The following RNF17 variants were observed in gnomAD, a reference collection of about 807,000 sequenced individuals.
The protein encoded by RNF17 is ring finger protein 17, also known as spermatogenesis associated 23.
Under a neutral mutation model 200.5 loss-of-function variants are expected in RNF17, and 31 were observed. The ratio of observed to expected loss-of-function variants is 0.15; its 90% CI spans 0.12 to 0.21. RNF17 has a LOEUF of 0.21. Among genes scored for constraint, RNF17 ranks in the 10% least tolerant of loss-of-function variants. The pLI, the probability that RNF17 is intolerant of heterozygous loss-of-function variation, is 1.00. For missense variants in RNF17, 1,628 were observed against 1,905.1 expected, an observed-to-expected ratio of 0.85 and a Z score of 2.71; for synonymous variants, 606 against 637.8, an observed-to-expected ratio of 0.95 and a Z score of 0.75.
chr13:24,860,765 G>A (rs1893009294), intron 26 of RNF17, among the ~76,000 whole-genome samples: 1 of 151,972 alleles, frequency 6.6e-6, no homozygotes, highest in Non-Finnish European at 1.5e-5. Context: ...GATGGGTTAA[G>A]TGTAAGAAAA....
At chr13:24,840,081 T>C (rs1414140323) in intron 18 of RNF17, among the ~76,000 whole-genome samples, 2 of 151,888 alleles carry the variant, frequency 1.3e-5, no homozygotes, top group Non-Finnish European at 2.9e-5. Flanking sequence ...GATAGACAGT[T>C]CTCAAAAAAA....
At chr13:24,857,305 C>T (rs1892613382) in intron 25 of RNF17, among the ~76,000 whole-genome samples, 1 of 151,066 alleles carries the variant, frequency 6.6e-6, no homozygotes, top group Non-Finnish European at 1.5e-5. Flanking sequence ...TCCTGGAGTC[C>T]CATTTTTTTT....
downstream of RNF17, chr13:24,883,449 CCTT>C: frequency 8.5e-7 from 1 of 1,171,902 alleles, no homozygotes; most frequent in Non-Finnish European, 1.2e-6. Flanking sequence ...TGAAAAGTAG[CCTT>C]TTGAGTCTGG....
At chr13:24,837,076 T>C (rs1481821690) in intron 18 of RNF17, among the ~76,000 whole-genome samples, 1 of 152,266 alleles carries the variant, frequency 6.6e-6, no homozygotes, top group East Asian at 1.9e-4. Flanking sequence ...AGGGTAGTTA[T>C]TCTTATATCA....
chr13:24,837,724 G>A (rs116656562), intron 18 of RNF17, among the ~76,000 whole-genome samples: 222 of 152,108 alleles, frequency 1.5e-3, no homozygotes, highest in African/African-American at 5.2e-3. Context: ...AGCCCTACAT[G>A]CCCACATCAA....
chr13:24,782,844 A>G (rs529674269), intron 6 of RNF17, among the ~76,000 whole-genome samples: 8 of 152,228 alleles, frequency 5.3e-5, no homozygotes, highest in Admixed American at 5.2e-4. Flanking sequence ...ATTTTCTCCC[A>G]TTTGTAAGTT....
chr13:24,770,799 A>G (rs1179914556), intron 2 of RNF17, among the ~76,000 whole-genome samples: 3 of 152,158 alleles, frequency 2.0e-5, no homozygotes, highest in African/African-American at 2.4e-5. Flanking sequence ...AATAAGCACT[A>G]TAATTTTCTT....
At chr13:24,779,519 T>C (rs184064831) in intron 4 of RNF17, 148 bp from the exon 5 acceptor site, 15 of 552,576 alleles carry the variant, frequency 2.7e-5, no homozygotes, top group Admixed American at 2.6e-4. Context: ...AATGTTATTT[T>C]TGTTGCTTGT....
rs201829407 is a variant in RNF17 at position 24,764,175 on chromosome 13, G to C, written c.-29G>C. ...GCGAGGGCCGCCGGGACTCGCACTC[G>C]GCGGTTGTTCCAGAAGAAAGAGACA... On this transcript the variant is annotated 5_prime_UTR_variant, in exon 1 of 36. Transcript: ENST00000255324. 9.5e-5 allele frequency: 149 copies of C among 1,565,382 alleles called. 1 individual carries two copies. The Admixed American group carries it at 2.5e-3, about 26-fold the overall frequency.
intron 15 of RNF17, among the ~76,000 whole-genome samples, chr13:24,825,131 G>A (rs755651431): frequency 3.3e-5 from 5 of 152,118 alleles, no homozygotes; most frequent in Non-Finnish European, 7.4e-5. Flanking sequence ...TTCATTAAAA[G>A]CAGAGGACTG....
intron 29 of RNF17, among the ~76,000 whole-genome samples, chr13:24,865,691 C>T (rs1893542130): frequency 6.6e-6 from 1 of 152,168 alleles, no homozygotes. Context: ...CTACTTTCTT[C>T]TCTCAAATAG....
At chr13:24,787,701 T>C (rs888212060) in intron 6 of RNF17, among the ~76,000 whole-genome samples, 3 of 152,184 alleles carry the variant, frequency 2.0e-5, no homozygotes, top group Non-Finnish European at 2.9e-5. Context: ...TCTCTACTTA[T>C]AATCTCCTGC....
intron 22 of RNF17, among the ~76,000 whole-genome samples, chr13:24,845,796 C>T (rs1385998807): frequency 2.6e-5 from 4 of 152,276 alleles, no homozygotes; most frequent in Middle Eastern, 3.4e-3. Context: ...AATACTGGAG[C>T]GTTTTTAGCC....
chr13:24,854,467 ATTT>A (rs11395842), intron 25 of RNF17, among the ~76,000 whole-genome samples: 12 of 148,968 alleles, frequency 8.1e-5, no homozygotes, highest in Non-Finnish European at 1.8e-4. Context: ...TCAGATGCCA[ATTT>A]TTTTTTTTAA....
At chr13:24,853,503 G>A (rs1450909985) in intron 24 of RNF17, among the ~76,000 whole-genome samples, 2 of 152,004 alleles carry the variant, frequency 1.3e-5, no homozygotes, top group Non-Finnish European at 2.9e-5. Flanking sequence ...CTAATAGCTT[G>A]CCAGATGTCT....
chr13:24,838,396 C>T (rs7997411), intron 18 of RNF17, among the ~76,000 whole-genome samples: 33,838 of 152,072 alleles, frequency 0.22, 4,317 homozygotes, highest in East Asian at 0.39. Context: ...AAACTATAGA[C>T]TGATATCCTT....
chr13:24,802,595 A>G, intron 14 of RNF17, 24 bp downstream of exon 14: 1 of 1,562,354 alleles, frequency 6.4e-7, no homozygotes, highest in Non-Finnish European at 8.7e-7. Context: ...TAAAACTTAA[A>G]TATTCTTTGA....
intron 22 of RNF17, among the ~76,000 whole-genome samples, chr13:24,848,794 A>T (rs536609256): frequency 6.6e-6 from 1 of 152,244 alleles, no homozygotes. Context: ...ATTTATATCC[A>T]TAATAAATCA....
intron 1 of RNF17, among the ~76,000 whole-genome samples, chr13:24,765,672 A>G (rs1271388864): frequency 6.6e-6 from 1 of 152,240 alleles, no homozygotes; most frequent in Non-Finnish European, 1.5e-5. Flanking sequence ...TCTTCCATAC[A>G]TTAGTATTAT....
Sources: gnomAD v4.1 joint callset for allele counts (sites outside exome capture counted in the v4.1 genomes callset) on GRCh38, gnomAD v4.1.1 for gene constraint, MANE v1.5 for transcripts, NCBI Gene and HGNC (gene_info 2026-07-23, HGNC 2026-07-21) for gene names.